The following ENTPD1 variants were observed in gnomAD, a reference collection of about 807,000 sequenced individuals.
The protein encoded by ENTPD1 is ectonucleoside triphosphate diphosphohydrolase 1.
In ENTPD1, 33 loss-of-function variants were observed where a neutral mutation model predicts 57.0. The observed-to-expected ratio is 0.58, with a 90% CI of 0.44 to 0.77. The LOEUF (loss-of-function observed/expected upper bound fraction) is 0.77, where lower values mean the gene tolerates loss of function less well. ENTPD1 is among the 30% of genes least tolerant of loss of function. The pLI is 0.00. For missense variants in ENTPD1, 501 were observed against 603.4 expected (o/e 0.83, Z 1.78); for synonymous variants, 202 against 218.8 (o/e 0.92, Z 0.68).
In ENTPD1 at chr10:95,872,372, CCTACA is replaced by C. The variant is rs1001665338; in HGVS notation, c.*6003_*6007del. The C allele has an allele frequency of 2.0e-6, 2 of 985,430 alleles. No homozygotes were observed. Among genetic ancestry groups the C allele is most frequent in the Non-Finnish European group, 2.4e-6 (2 of 829,928 alleles). 61.0% of individuals were successfully genotyped at this position (985,430 alleles called of 1,614,324 possible). A position where few individuals can be genotyped will look rare whatever the true frequency, so the allele number is the denominator to read the frequency against. ...ATCCCACTCCACTCCTCTGATGTTTCCTACACTACACTACACTATACTACACTACA... is the reference window on the plus strand; with the variant it reads ...ATCCCACTCCACTCCTCTGATGTTTCCTACACTACACTATACTACACTACA... On this transcript the variant is annotated 3_prime_UTR_variant, in exon 10 of 10. Transcript: ENST00000371205.
chr10:95,876,501 A>T lies in ENTPD1; in HGVS notation c.*10118A>T, dbSNP rs1338059343. 4.9e-6 allele frequency: 6 copies of T among 1,231,120 alleles called. No homozygotes were observed. The highest frequency in any genetic ancestry group is 6.1e-6 in the Non-Finnish European group (6 of 987,830). 76.3% of individuals were successfully genotyped at this position (1,231,120 alleles called of 1,614,324 possible). Reference sequence around the variant, plus strand: ...TCTCTCTGTCCTATTCTGTATCTGTATCTCTTGGATTTTTACCTTTGCAAT... The same window carrying T: ...TCTCTCTGTCCTATTCTGTATCTGTTTCTCTTGGATTTTTACCTTTGCAAT... On this transcript the variant is annotated 3_prime_UTR_variant, in exon 10 of 10. Transcript: ENST00000371205.
At chr10:95,826,760 G>A (rs537083604) in intron 2 of ENTPD1, among the ~76,000 whole-genome samples, 2 of 152,226 alleles carry the variant, frequency 1.3e-5, no homozygotes, top group African/African-American at 4.8e-5. Flanking sequence ...TTAATCCTAA[G>A]AGTAGTGGGA....
intron 1 of ENTPD1, among the ~76,000 whole-genome samples, chr10:95,818,579 G>C (rs985879071): frequency 6.6e-6 from 1 of 152,154 alleles, no homozygotes; most frequent in Non-Finnish European, 1.5e-5. Flanking sequence ...ATGAGGTAAG[G>C]GTGACTGGAA....
intron 1 of ENTPD1, among the ~76,000 whole-genome samples, chr10:95,779,774 ATATCT>A: frequency 6.6e-6 from 1 of 152,282 alleles, no homozygotes; most frequent in African/African-American, 2.4e-5. Flanking sequence ...AAAAATGGAA[ATATCT>A]TAATTTAAAT....
rs546106915 is a variant in ENTPD1 at position 95,736,444 on chromosome 10, G to T, written c.37+24451G>T. ...TTATTAAAATGTTTAATATTTAATAGAAATAATATGAAAATACATAAAGAA... is the reference window on the plus strand; with the variant it reads ...TTATTAAAATGTTTAATATTTAATATAAATAATATGAAAATACATAAAGAA... On this transcript the variant is annotated intron_variant, in intron 1 of 9. Coordinates refer to the ENTPD1 transcript ENST00000453258. 3.9e-5 allele frequency among the ~76,000 whole-genome samples: 6 copies of T among 152,210 alleles called. No individual in the cohort carries two copies. In the East Asian group the frequency reaches 7.7e-4, roughly 20 times the overall value.
At chr10:95,724,260 G>A (rs1046623649) in intron 1 of ENTPD1, among the ~76,000 whole-genome samples, 6 of 151,602 alleles carry the variant, frequency 4.0e-5, no homozygotes, top group African/African-American at 1.5e-4. Flanking sequence ...CTGGCCAACA[G>A]GTGCCTGGTA....
At chr10:95,703,421 G>C in the ENTPD1 span, among the ~76,000 whole-genome samples, 1 of 152,168 alleles carries the variant, frequency 6.6e-6, no homozygotes, top group Non-Finnish European at 1.5e-5. Flanking sequence ...AAAACTTTTA[G>C]ATGATAAAAT....
intron 1 of ENTPD1, among the ~76,000 whole-genome samples, chr10:95,790,991 T>C (rs2098201598): frequency 6.6e-6 from 1 of 152,198 alleles, no homozygotes; most frequent in Non-Finnish European, 1.5e-5. Context: ...ACGTAGCTTT[T>C]AGTGAGACTG....
rs1238075209 is a variant in ENTPD1 at position 95,871,628 on chromosome 10, ACT to A, written c.*5248_*5249del. 2 of 985,220 alleles carry A rather than the reference ACT, an allele frequency of 2.0e-6. No individual in the cohort carries two copies. Among genetic ancestry groups the A allele is most frequent in the African/African-American group, 1.7e-5 (1 of 57,296 alleles). The allele number at this position is 985,220 out of a possible 1,614,324, so 61.0% of individuals were successfully genotyped here. ...TCTCTTTAGAAAAGTGGCATTCAAGACTCTTCATTTGAAGTGAAGATTGCTAT... is the reference window on the plus strand; with the variant it reads ...TCTCTTTAGAAAAGTGGCATTCAAGACTTCATTTGAAGTGAAGATTGCTAT... On this transcript the variant is annotated 3_prime_UTR_variant, in exon 10 of 10. Coordinates refer to ENST00000371205, the MANE Select transcript of ENTPD1 (RefSeq NM_001776.6).
chr10:95,873,532 G>C lies in ENTPD1; in HGVS notation c.*7149G>C, dbSNP rs2098482695. On this transcript the variant is annotated 3_prime_UTR_variant, in exon 10 of 10. Coordinates refer to ENST00000371205, the MANE Select transcript of ENTPD1 (RefSeq NM_001776.6). ...GCTCTCAGTAGAGGCCCATAGGAAA[G>C]AGTAGGTAGGTTATGCCAGCTCACA... The C allele has an allele frequency of 2.0e-6, 2 of 985,288 alleles. No individual in the cohort carries two copies. The highest frequency in any genetic ancestry group is 9.4e-5 in the South Asian group (2 of 21,288). The allele number at this position is 985,288 out of a possible 1,614,324, so 61.0% of individuals were successfully genotyped here.
At position 95,842,485 on chromosome 10, in the gene ENTPD1, G is replaced by A. The variant is rs200983851; in HGVS notation, c.404G>A (p.Arg135Gln). 1.9e-6 allele frequency: 3 copies of A among 1,613,898 alleles called. No individual in the cohort carries two copies. Among genetic ancestry groups the A allele is most frequent in the African/African-American group, 1.3e-5 (1 of 74,980 alleles). Reference protein sequence around the residue: ...PVYLGATAGMRLLRMESEELA... With the variant: ...PVYLGATAGMQLLRMESEELA... ...TACCTGGGAGCCACGGCAGGCATGC[G>A]GTTGCTCAGGTATAGCAGCATGTAG... The change falls in exon 4 of 10, where the codon CGG becomes CAG. Residue 135 changes from arginine (R) to glutamine (Q), a missense_variant. By Grantham distance (43) the Arg-to-Gln change is conservative. Coordinates refer to ENST00000371205, the MANE Select transcript of ENTPD1 (RefSeq NM_001776.6).
At chr10:95,864,885 G>C (rs770748617) in intron 9 of ENTPD1, 24 bp downstream of exon 9, 35 of 1,610,822 alleles carry the variant, frequency 2.2e-5, no homozygotes, top group Non-Finnish European at 2.9e-5. Flanking sequence ...CTGTTGGGCT[G>C]GGGGGAGGTT....
At chr10:95,861,546 TCTCTCCA>T (rs2098465340) in intron 8 of ENTPD1, 1 of 152,206 alleles carries the variant, frequency 6.6e-6, no homozygotes, top group African/African-American at 2.4e-5. Context: ...AGCTTGCCAT[TCTCTCCA>T]GGTATTTTGT....
chr10:95,745,093 C>A (rs1280225661), intron 1 of ENTPD1, among the ~76,000 whole-genome samples: 1 of 152,090 alleles, frequency 6.6e-6, no homozygotes, highest in East Asian at 1.9e-4. Context: ...TATCTTTGAC[C>A]TTAAAGAAAT....
intron 7 of ENTPD1, among the ~76,000 whole-genome samples, chr10:95,859,698 TAA>T (rs958027813): frequency 6.6e-6 from 1 of 152,168 alleles, no homozygotes; most frequent in Non-Finnish European, 1.5e-5. Flanking sequence ...TATGCTCTAT[TAA>T]AAGAGTAAAA....
At chr10:95,816,565 A>G (rs577715468) in intron 1 of ENTPD1, among the ~76,000 whole-genome samples, 17 of 152,148 alleles carry the variant, frequency 1.1e-4, no homozygotes, top group Non-Finnish European at 1.5e-4. Context: ...AGGAAACGTG[A>G]CACAAAGAGC....
At chr10:95,823,088 C>T (rs2098359441) in intron 1 of ENTPD1, 149 bp from the exon 2 acceptor site, 1 of 863,948 alleles carries the variant, frequency 1.2e-6, no homozygotes, top group Non-Finnish European at 1.8e-6. Context: ...TTCCCAATTA[C>T]TCTGTAAGTA....
chr10:95,796,712 G>A (rs1025289440), intron 1 of ENTPD1, among the ~76,000 whole-genome samples: 2 of 152,146 alleles, frequency 1.3e-5, no homozygotes, highest in Non-Finnish European at 1.5e-5. Context: ...AGTAGATGAT[G>A]TGTTGGAAGG....
At position 95,872,800 on chromosome 10, in the gene ENTPD1, G is replaced by A. The variant is rs562808257; in HGVS notation, c.*6417G>A. 88 of 985,304 alleles carry A rather than the reference G, an allele frequency of 8.9e-5. No homozygotes were observed. Among genetic ancestry groups the A allele is most frequent in the Non-Finnish European group, 1.0e-4 (86 of 829,940 alleles). The allele number at this position is 985,304 out of a possible 1,614,324, so 61.0% of individuals were successfully genotyped here. The stretch of plus-strand genomic sequence containing the variant: ...TGCTTCACTCTATTTATCTCTTGAT[G>A]TAACCATCTTCTTTCTCCAGGTTTT... On this transcript the variant is annotated 3_prime_UTR_variant, in exon 10 of 10. Transcript: ENST00000371205.
Sources: gnomAD v4.1 joint callset for allele counts (sites outside exome capture counted in the v4.1 genomes callset) on GRCh38, gnomAD v4.1.1 for gene constraint, MANE v1.5 for transcripts, NCBI Gene and HGNC (gene_info 2026-07-23, HGNC 2026-07-21) for gene names.